Variants in SERINC5 observed in about 807,000 individuals in gnomAD.
SERINC5 encodes serine incorporator 5.
In SERINC5, 41 loss-of-function variants were observed where a neutral mutation model predicts 63.1. The observed-to-expected ratio is 0.65, with a 90% CI of 0.51 to 0.84. SERINC5 has a LOEUF of 0.84. Among genes scored for constraint, SERINC5 ranks in the 40% least tolerant of loss-of-function variants. SERINC5 has a pLI of 0.00. For missense variants in SERINC5, 523 were observed against 573.0 expected, an observed-to-expected ratio of 0.91 and a Z score of 0.89; for synonymous variants, 222 against 215.2, an observed-to-expected ratio of 1.03 and a Z score of -0.28.
chr5:80,216,413 A>G (rs1750665265), intron 1 of SERINC5, among the ~76,000 whole-genome samples: 1 of 152,206 alleles, frequency 6.6e-6, no homozygotes, highest in African/African-American at 2.4e-5. Flanking sequence ...TGTGGGGTTC[A>G]CCACCTTCAG....
In SERINC5 at chr5:80,169,412, T is replaced by G. The variant is rs1747503103; in HGVS notation, c.686A>C (p.Asn229Thr). The G allele has an allele frequency of 1.2e-6, 2 of 1,613,866 alleles. No homozygotes were observed. The highest frequency in any genetic ancestry group is 2.7e-5 in the African/African-American group (2 of 74,914). ...FYTQKDSCME[N>T]KILLGVNGGL... ...TCCATTTACTCCCAGCAGAATTTTGTTTTCCATGCAGCTGTCTTTCTGTGT... is the reference window on the plus strand; with the variant it reads ...TCCATTTACTCCCAGCAGAATTTTGGTTTCCATGCAGCTGTCTTTCTGTGT... Residue 229 changes from asparagine (N) to threonine (T), a missense_variant, in exon 6 of 12, where the codon AAC becomes ACC. Asn to Thr is a moderately conservative substitution (Grantham distance 65, BLOSUM62 0). Coordinates refer to ENST00000507668, the MANE Select transcript of SERINC5 (RefSeq NM_001174072.3).
At chr5:80,117,027 C>T (rs546853168) in intron 11 of SERINC5, among the ~76,000 whole-genome samples, 3 of 151,802 alleles carry the variant, frequency 2.0e-5, no homozygotes, top group Non-Finnish European at 2.9e-5. Flanking sequence ...GACGGGGTTT[C>T]GCCATGTTGG....
At position 80,142,454 on chromosome 5, in the gene SERINC5, C is replaced by G. The variant is rs12519111; in HGVS notation, c.*1209G>C. ...CACCATGTTAGCCAGGCTGGTCTTG[C>G]AACTCCTGACCTCAAGTGATCCGCC... On this transcript the variant is annotated 3_prime_UTR_variant, in exon 12 of 12. Transcript: ENST00000507668. 545,025 of 970,382 alleles carry G rather than the reference C, an allele frequency of 0.56. 153,808 individuals carry two copies. The highest frequency in any genetic ancestry group is 0.63 in the African/African-American group (35,926 of 56,830). The allele number at this position is 970,382 out of a possible 1,614,324, so 60.1% of individuals were successfully genotyped here.
chr5:80,225,043 C>T (rs1350874697), intron 1 of SERINC5, among the ~76,000 whole-genome samples: 1 of 150,418 alleles, frequency 6.6e-6, no homozygotes, highest in Non-Finnish European at 1.5e-5. Flanking sequence ...CAGGTTCAAG[C>T]AATTCTCTTG....
At position 80,140,427 on chromosome 5, in the gene SERINC5, A is replaced by G. The variant is rs1745440599; in HGVS notation, c.*3236T>C. On this transcript the variant is annotated 3_prime_UTR_variant, in exon 12 of 12. Transcript: ENST00000507668. The stretch of plus-strand genomic sequence containing the variant: ...ATCTTCTGAGGAATCGGAAATAAAC[A>G]ATGTTGTATGGAAACAGAACCCCAA... The G allele has an allele frequency of 1.0e-6, 1 of 984,714 alleles. No individual in the cohort carries two copies. The highest frequency in any genetic ancestry group is 4.7e-5 in the South Asian group (1 of 21,262). 61.0% of individuals were successfully genotyped at this position (984,714 alleles called of 1,614,324 possible). A position where few individuals can be genotyped will look rare whatever the true frequency, so the allele number is the denominator to read the frequency against.
intron 2 of SERINC5, among the ~76,000 whole-genome samples, chr5:80,201,987 A>C (rs962010885): frequency 1.3e-5 from 2 of 152,182 alleles, no homozygotes; most frequent in African/African-American, 2.4e-5. Context: ...CTGTAATCCC[A>C]GCACTTTTGG....
At chr5:80,125,899 A>G (rs927594887) in intron 11 of SERINC5, among the ~76,000 whole-genome samples, 1 of 152,232 alleles carries the variant, frequency 6.6e-6, no homozygotes, top group African/African-American at 2.4e-5. Flanking sequence ...CGAGAGAGAA[A>G]TTAATTCTAT....
chr5:80,222,078 G>A (rs1322141055), intron 1 of SERINC5, among the ~76,000 whole-genome samples: 4 of 152,118 alleles, frequency 2.6e-5, no homozygotes, highest in African/African-American at 7.2e-5. Context: ...AACGCAGGAG[G>A]TGGAGGTTGC....
At chr5:80,255,138 G>A (rs575810409) in intron 1 of SERINC5, 1 of 152,338 alleles carries the variant, frequency 6.6e-6, no homozygotes, top group South Asian at 2.1e-4. Context: ...ACAGGGCTAA[G>A]ACGTACTAAT....
intron 1 of SERINC5, among the ~76,000 whole-genome samples, chr5:80,206,936 A>G (rs1278940107): frequency 6.6e-6 from 1 of 150,754 alleles, no homozygotes; most frequent in Admixed American, 6.7e-5. Flanking sequence ...GGACACCATG[A>G]TACCATGCCT....
At chr5:80,181,657 CT>C (rs147711800) in intron 2 of SERINC5, among the ~76,000 whole-genome samples, 22,529 of 151,584 alleles carry the variant, frequency 0.15, 2,615 homozygotes, top group East Asian at 0.61. Context: ...TTTTTTATGA[CT>C]TTTTTTTTAC....
intron 8 of SERINC5, chr5:80,157,016 T>TA (rs1403552759): frequency 5.5e-5 from 7 of 126,746 alleles, no homozygotes; most frequent in Non-Finnish European, 1.1e-4. Flanking sequence ...TTTTTTGAAA[T>TA]ACAGTTTCTC....
intron 1 of SERINC5, among the ~76,000 whole-genome samples, chr5:80,240,074 A>G (rs1202920679): frequency 1.3e-5 from 2 of 152,214 alleles, no homozygotes; most frequent in Non-Finnish European, 2.9e-5. Context: ...CTCCAACAGG[A>G]TGGATATGTT....
chr5:80,198,785 G>T, intron 2 of SERINC5: 2 of 826,062 alleles, frequency 2.4e-6, no homozygotes, highest in Non-Finnish European at 2.9e-6. Flanking sequence ...CCCTTGTGAG[G>T]CCCTAAAGCT....
rs11431034 is a variant in SERINC5, at chr5:80,117,642, GAAA to G, written c.1239-4020_1239-4018del. Among the ~76,000 whole-genome samples the G allele has an allele frequency of 3.1e-4, 38 of 124,548 alleles. No individual in the cohort carries two copies. The South Asian group carries it at 0.01, about 34-fold the overall frequency. The allele number at this position is 124,548 out of a possible 152,430, so 81.7% of individuals were successfully genotyped here. On this transcript the variant is annotated intron_variant, in intron 11 of 12. Coordinates refer to the SERINC5 transcript ENST00000509193. ...ATGTACTAGTCTTCCTGTGGCTACT[GAAA>G]AAAAAAAAAAAAAAGACCACAAACC...
At chr5:80,173,181 GAAAGGA>G (rs150622050) in intron 5 of SERINC5, among the ~76,000 whole-genome samples, 512 of 150,706 alleles carry the variant, frequency 3.4e-3, no homozygotes, top group African/African-American at 0.012. Flanking sequence ...AAAGAAAGAG[GAAAGGA>G]AAAGGAAAAG....
chr5:80,193,084 T>C (rs1749293384), intron 2 of SERINC5, among the ~76,000 whole-genome samples: 1 of 152,212 alleles, frequency 6.6e-6, no homozygotes, highest in Non-Finnish European at 1.5e-5. Flanking sequence ...CCCCAGCACC[T>C]TTCAGAGTGC....
At chr5:80,191,230 C>A (rs1454191800) in intron 2 of SERINC5, among the ~76,000 whole-genome samples, 2 of 151,580 alleles carry the variant, frequency 1.3e-5, no homozygotes, top group African/African-American at 4.8e-5. Flanking sequence ...ATAAAGACAC[C>A]CTCCTCTGCT....
chr5:80,144,012 T>TC (rs1476125355), intron 11 of SERINC5: 8 of 593,724 alleles, frequency 1.3e-5, no homozygotes, highest in Non-Finnish European at 2.3e-5. Context: ...GCTCTCCCCT[T>TC]CCCCATGGCC....
Sources: allele counts gnomAD v4.1 joint callset (sites outside exome capture counted in the v4.1 genomes callset), GRCh38; gene constraint gnomAD v4.1.1; transcripts MANE v1.5; gene names NCBI Gene and HGNC (gene_info 2026-07-23, HGNC 2026-07-21).